FTO: variants seen among roughly 807,000 people sequenced by gnomAD.
FTO encodes the protein FTO alpha-ketoglutarate dependent dioxygenase.
Under a neutral mutation model 63.9 loss-of-function variants are expected in FTO, and 47 were observed. The observed-to-expected ratio is 0.74, with a 90% CI of 0.58 to 0.94. The LOEUF is 0.94. FTO is among the 40% of genes least tolerant of loss of function. The probability of loss-of-function intolerance (pLI) is 0.00; values close to 1 mark genes in which losing one functional copy is unlikely to be tolerated. For missense variants in FTO, 562 were observed against 618.1 expected (o/e 0.91, Z 0.96); for synonymous variants, 207 against 224.4 (o/e 0.92, Z 0.69).
chr16:53,947,304 A>G (rs988411795), intron 8 of FTO, among the ~76,000 whole-genome samples: 1 of 152,158 alleles, frequency 6.6e-6, no homozygotes, highest in Non-Finnish European at 1.5e-5. Context: ...GATGGTCCCC[A>G]AGCTGTCTGT....
intron 4 of FTO, among the ~76,000 whole-genome samples, chr16:53,855,349 TTC>T: frequency 6.6e-6 from 1 of 152,270 alleles, no homozygotes; most frequent in African/African-American, 2.4e-5. Context: ...TCATTTGTAT[TTC>T]TCTTTCTTAG....
chr16:53,939,656 A>T (rs1439444579), intron 8 of FTO, among the ~76,000 whole-genome samples: 1 of 152,112 alleles, frequency 6.6e-6, no homozygotes, highest in Non-Finnish European at 1.5e-5. Flanking sequence ...CCACCAGTCT[A>T]CTTTTTATCT....
chr16:53,960,702 T>C (rs11643535), intron 8 of FTO, among the ~76,000 whole-genome samples: 24,425 of 147,696 alleles, frequency 0.17, 2,253 homozygotes, highest in Admixed American at 0.23. Flanking sequence ...TGGGTTCAAT[T>C]ACCAGAAATG....
intron 8 of FTO, among the ~76,000 whole-genome samples, chr16:54,090,989 A>C (rs2086371159): frequency 6.6e-6 from 1 of 152,164 alleles, no homozygotes; most frequent in African/African-American, 2.4e-5. Flanking sequence ...AAGACACCTA[A>C]GAATACAAAA....
chr16:53,769,021 G>C (rs2151626367), intron 1 of FTO, among the ~76,000 whole-genome samples: 1 of 152,254 alleles, frequency 6.6e-6, no homozygotes, highest in African/African-American at 2.4e-5. Flanking sequence ...TCATGAAAGC[G>C]AGTATATAAT....
chr16:53,950,594 T>C (rs1403755976), intron 8 of FTO, among the ~76,000 whole-genome samples: 1 of 152,246 alleles, frequency 6.6e-6, no homozygotes, highest in Non-Finnish European at 1.5e-5. Flanking sequence ...TTCTTTCCTG[T>C]TCTTAAGCGC....
chr16:53,880,485 G>C (rs1031278200), intron 6 of FTO, among the ~76,000 whole-genome samples: 12 of 152,144 alleles, frequency 7.9e-5, no homozygotes, highest in African/African-American at 2.9e-4. Context: ...AACTTATTCT[G>C]TTCAGGCTGC....
intron 8 of FTO, among the ~76,000 whole-genome samples, chr16:53,994,637 A>C (rs1395436328): frequency 6.6e-6 from 1 of 151,954 alleles, no homozygotes; most frequent in Admixed American, 6.6e-5. Context: ...CGCTGGGATG[A>C]CAGGTGTGAG....
chr16:54,005,928 G>T (rs1555501596), intron 8 of FTO, among the ~76,000 whole-genome samples: 1 of 152,028 alleles, frequency 6.6e-6, no homozygotes, highest in Non-Finnish European at 1.5e-5. Flanking sequence ...AATGTTTTTT[G>T]TTTTTTACTG....
At chr16:54,050,533 A>G (rs1399206693) in intron 8 of FTO, among the ~76,000 whole-genome samples, 1 of 152,144 alleles carries the variant, frequency 6.6e-6, no homozygotes, top group Non-Finnish European at 1.5e-5. Flanking sequence ...TTTGGGTGAA[A>G]GATTATCCAA....
Position 54,116,627 on chromosome 16 carries a change from G to A in FTO, c.*4712G>A, listed in dbSNP as rs961787888. On this transcript the variant is annotated 3_prime_UTR_variant, in exon 9 of 9. Coordinates refer to ENST00000471389, the MANE Select transcript of FTO (RefSeq NM_001080432.3). ...GCAGCTTGCAGAGGATGGGTGGGAGGAGGGGAAGCCGGCTAAGAATGACTT... is the reference window on the plus strand; with the variant it reads ...GCAGCTTGCAGAGGATGGGTGGGAGAAGGGGAAGCCGGCTAAGAATGACTT... The A allele has an allele frequency of 5.3e-5, 8 of 151,908 alleles. No homozygotes were observed. Among genetic ancestry groups the A allele is most frequent in the Non-Finnish European group, 1.2e-4 (8 of 67,982 alleles). 9.4% of individuals were successfully genotyped at this position (151,908 alleles called of 1,614,324 possible). A position where few individuals can be genotyped will look rare whatever the true frequency, so the allele number is the denominator to read the frequency against.
chr16:53,718,441 G>A (rs185419001), intron 1 of FTO, among the ~76,000 whole-genome samples: 43 of 152,066 alleles, frequency 2.8e-4, no homozygotes, highest in African/African-American at 7.5e-4. Context: ...GGATATTTAC[G>A]AGGTTGATAA....
rs2086954471 is a variant in FTO at position 54,114,455 on chromosome 16, G to A, written c.*2540G>A. 2 of 152,172 alleles carry A rather than the reference G, an allele frequency of 1.3e-5. No homozygotes were observed. Among genetic ancestry groups the A allele is most frequent in the Non-Finnish European group, 1.5e-5 (1 of 68,040 alleles). The allele number at this position is 152,172 out of a possible 1,614,324, so 9.4% of individuals were successfully genotyped here. A position where few individuals can be genotyped will look rare whatever the true frequency, so the allele number is the denominator to read the frequency against. Reference sequence around the variant, plus strand: ...TCCAATAAACATATTAAAAGGATGAGATAAGAAACCGAGAGATTTTGCTGT... The same window carrying A: ...TCCAATAAACATATTAAAAGGATGAAATAAGAAACCGAGAGATTTTGCTGT... On this transcript the variant is annotated 3_prime_UTR_variant, in exon 9 of 9. Coordinates refer to ENST00000471389, the MANE Select transcript of FTO (RefSeq NM_001080432.3).
chr16:53,807,486 G>A (rs2078403124), intron 1 of FTO, among the ~76,000 whole-genome samples: 1 of 152,182 alleles, frequency 6.6e-6, no homozygotes, highest in Non-Finnish European at 1.5e-5. Context: ...AGCCTACATT[G>A]GCACTTGTCG....
intron 1 of FTO, among the ~76,000 whole-genome samples, chr16:53,762,683 A>AAAGAAAGG (rs1392322380): frequency 4.6e-5 from 7 of 152,174 alleles, no homozygotes; most frequent in Admixed American, 2.6e-4. Context: ...AGAATGAGAG[A>AAAGAAAGG]AAGAAAGGAA....
intron 1 of FTO, among the ~76,000 whole-genome samples, chr16:53,752,234 A>G (rs1355488077): frequency 1.3e-5 from 2 of 152,220 alleles, no homozygotes; most frequent in East Asian, 3.8e-4. Flanking sequence ...ATGCTTGCAT[A>G]TAGACAGAAT....
intron 8 of FTO, chr16:54,013,568 G>A (rs1349324278): frequency 1.3e-5 from 2 of 152,380 alleles, no homozygotes; most frequent in African/African-American, 4.8e-5. Context: ...GTCATGAAAG[G>A]AAGAGTCAAC....
chr16:53,710,391 G>A (rs1051705149), intron 1 of FTO, among the ~76,000 whole-genome samples: 5 of 150,786 alleles, frequency 3.3e-5, no homozygotes, highest in African/African-American at 7.3e-5. Context: ...TCAGCCTCCT[G>A]AGTAGCTCAG....
chr16:54,015,292 C>T (rs982271747), intron 8 of FTO, among the ~76,000 whole-genome samples: 1 of 152,196 alleles, frequency 6.6e-6, no homozygotes, highest in South Asian at 2.1e-4. Context: ...ATCAACATTA[C>T]GTCACCACAA....
Sources: gnomAD v4.1 joint callset for allele counts (sites outside exome capture counted in the v4.1 genomes callset) on GRCh38, gnomAD v4.1.1 for gene constraint, MANE v1.5 for transcripts, NCBI Gene and HGNC (gene_info 2026-07-23, HGNC 2026-07-21) for gene names.